Variants in CFAP20DC observed in about 807,000 individuals in gnomAD.
The protein encoded by CFAP20DC is protein CFAP20DC.
CFAP20DC carries 84 observed loss-of-function variants against 101.7 expected under a neutral mutation model. The ratio of observed to expected loss-of-function variants is 0.83; its 90% CI spans 0.69 to 0.99. The LOEUF (loss-of-function observed/expected upper bound fraction) is 0.99. CFAP20DC is among the 50% of genes least tolerant of loss of function. The pLI is 0.00. For synonymous variants in CFAP20DC, 359 were observed against 351.2 expected (o/e 1.02, Z -0.25); for missense variants, 1,007 against 970.3 (o/e 1.04, Z -0.50).
At chr3:59,017,476 T>A (rs1466616631) in intron 4 of CFAP20DC, 2 of 152,166 alleles carry the variant, frequency 1.3e-5, no homozygotes, top group African/African-American at 2.4e-5. Flanking sequence ...AAAAATTAAC[T>A]CAAGTGCCTT....
chr3:58,851,035 G>T (rs868374508), intron 12 of CFAP20DC, among the ~76,000 whole-genome samples: 4 of 152,032 alleles, frequency 2.6e-5, no homozygotes, highest in South Asian at 2.1e-4. Flanking sequence ...TTAATTAGAG[G>T]GGATCTATCT....
chr3:58,966,433 T>C (rs1400530230), intron 4 of CFAP20DC, among the ~76,000 whole-genome samples: 1 of 151,608 alleles, frequency 6.6e-6, no homozygotes, highest in African/African-American at 2.4e-5. Flanking sequence ...GCAAAACATA[T>C]ACATTGAAAA....
At chr3:58,777,169 G>T (rs2071410217) in intron 15 of CFAP20DC, among the ~76,000 whole-genome samples, 1 of 152,166 alleles carries the variant, frequency 6.6e-6, no homozygotes. Flanking sequence ...ATATCTAACT[G>T]CTTTCTTTGG....
chr3:58,737,054 A>G, downstream of CFAP20DC: 1 of 366,682 alleles, frequency 2.7e-6, no homozygotes, highest in Non-Finnish European at 5.3e-6. This position sits in a 1 kb window ranked among gnomAD's most constrained non-coding sequence, Gnocchi z 4.1. Context: ...AGTTAACCAT[A>G]TTACCTACAG....
At position 59,002,967 on chromosome 3, in the gene CFAP20DC, A is replaced by C. The variant is rs964309506; in HGVS notation, c.278+36590T>G. On this transcript the variant is annotated intron_variant, in intron 4 of 16. Transcript: ENST00000482387. The surrounding 1 kb of genome is among the most constrained non-coding windows in gnomAD (Gnocchi z 4.5). Reference sequence around the variant, plus strand: ...CTGACAGAGCTATAATGCATCCAAGATTTCTGACTGAATATCCAATGTTCT... The same window carrying C: ...CTGACAGAGCTATAATGCATCCAAGCTTTCTGACTGAATATCCAATGTTCT... 2.6e-5 allele frequency among the ~76,000 whole-genome samples: 4 copies of C among 152,184 alleles called. No homozygotes were observed. The highest frequency in any genetic ancestry group is 7.2e-5 in the African/African-American group (3 of 41,450).
chr3:58,763,242 T>A (rs1253959548), intron 15 of CFAP20DC, among the ~76,000 whole-genome samples: 2 of 152,202 alleles, frequency 1.3e-5, no homozygotes, highest in African/African-American at 4.8e-5. Context: ...CATTTCTTTT[T>A]ATTCTTTTTT....
intron 4 of CFAP20DC, among the ~76,000 whole-genome samples, chr3:59,024,857 A>G (rs2093865083): frequency 6.6e-6 from 1 of 152,182 alleles, no homozygotes; most frequent in South Asian, 2.1e-4. Context: ...TCTCTTGACC[A>G]AAGGAAAAAA....
intron 11 of CFAP20DC, among the ~76,000 whole-genome samples, chr3:58,866,058 T>A (rs948863900): frequency 6.6e-6 from 1 of 152,380 alleles, no homozygotes; most frequent in Admixed American, 6.5e-5. Context: ...GTCAGATTTA[T>A]GCTAGAGACA....
At chr3:58,937,550 A>T (rs2087880242) in intron 5 of CFAP20DC, 98 bp downstream of exon 5, 1 of 762,202 alleles carries the variant, frequency 1.3e-6, no homozygotes, top group South Asian at 1.6e-5. Flanking sequence ...TTATACCACC[A>T]TCGTACTTAA....
rs1403875804 is a variant in CFAP20DC at position 58,820,058 on chromosome 3, T to C, written c.2175+11628A>G. Among the ~76,000 whole-genome samples the C allele has an allele frequency of 5.5e-3, 825 of 150,592 alleles. 7 individuals carry two copies. The highest frequency in any genetic ancestry group is 0.019 in the African/African-American group (780 of 40,542). Reference sequence around the variant, plus strand: ...GACAAAAACCACATGATTATCTCAATAGATGCAGAAAAAGCCTTTGACAAA... The same window carrying C: ...GACAAAAACCACATGATTATCTCAACAGATGCAGAAAAAGCCTTTGACAAA... On this transcript the variant is annotated intron_variant, in intron 14 of 16. Coordinates refer to ENST00000482387, the MANE Select transcript of CFAP20DC (RefSeq NM_001394063.1).
intron 12 of CFAP20DC, among the ~76,000 whole-genome samples, chr3:58,850,449 G>A (rs1031250752): frequency 2.0e-5 from 3 of 151,866 alleles, no homozygotes; most frequent in South Asian, 2.1e-4. Context: ...TTATCTGGGC[G>A]TGGTGATGCT....
intron 14 of CFAP20DC, among the ~76,000 whole-genome samples, chr3:58,813,217 C>T (rs1235199980): frequency 6.6e-6 from 1 of 151,834 alleles, no homozygotes; most frequent in East Asian, 1.9e-4. Flanking sequence ...CCACAGGAAA[C>T]CTTTCAGTTA....
intron 14 of CFAP20DC, among the ~76,000 whole-genome samples, chr3:58,811,286 G>C (rs1444297342): frequency 6.6e-6 from 1 of 152,078 alleles, no homozygotes; most frequent in Non-Finnish European, 1.5e-5. Context: ...GAGGCATCAC[G>C]TTACCTGACT....
intron 4 of CFAP20DC, among the ~76,000 whole-genome samples, chr3:59,037,424 C>T (rs2094124136): frequency 6.6e-6 from 1 of 150,628 alleles, no homozygotes; most frequent in Admixed American, 6.6e-5. Context: ...GGAACTTAAA[C>T]CAATTTACAA....
chr3:58,923,591 G>T (rs1450827404), intron 5 of CFAP20DC, among the ~76,000 whole-genome samples: 2 of 152,092 alleles, frequency 1.3e-5, no homozygotes, highest in Non-Finnish European at 2.9e-5. Flanking sequence ...TGGGAAGTTG[G>T]TAACAAGCTT....
At chr3:58,881,978 T>C (rs2081261497) in intron 7 of CFAP20DC, among the ~76,000 whole-genome samples, 1 of 152,126 alleles carries the variant, frequency 6.6e-6, no homozygotes, top group African/African-American at 2.4e-5. Context: ...AAATCAGCAA[T>C]TGAAAAGTAT....
intron 7 of CFAP20DC, among the ~76,000 whole-genome samples, chr3:58,872,161 C>T (rs770039984): frequency 5.9e-5 from 9 of 152,142 alleles, no homozygotes; most frequent in Non-Finnish European, 1.2e-4. Flanking sequence ...TGCTGTGACC[C>T]ACCTGTAAGA....
At chr3:58,785,120 G>A (rs547464220) in intron 15 of CFAP20DC, among the ~76,000 whole-genome samples, 1 of 151,952 alleles carries the variant, frequency 6.6e-6, no homozygotes, top group Admixed American at 6.6e-5. Flanking sequence ...TACTATTATT[G>A]TCTTTGCAGC....
chr3:58,720,785 G>C (rs2067462310), intron 3 of CFAP20DC, among the ~76,000 whole-genome samples: 1 of 152,090 alleles, frequency 6.6e-6, no homozygotes, highest in Non-Finnish European at 1.5e-5. Flanking sequence ...TAGTGTACAA[G>C]GCAATATTAA....
Sources: allele counts gnomAD v4.1 joint callset (sites outside exome capture counted in the v4.1 genomes callset), GRCh38; gene constraint gnomAD v4.1.1; non-coding constraint Gnocchi (gnomAD v3.1); transcripts MANE v1.5; gene names NCBI Gene and HGNC (gene_info 2026-07-23, HGNC 2026-07-21).